The following ADAMTS12 variants were observed in gnomAD, a reference collection of about 807,000 sequenced individuals.
The protein encoded by ADAMTS12 is A disintegrin and metalloproteinase with thrombospondin motifs 12.
Under a neutral mutation model 167.8 loss-of-function variants are expected in ADAMTS12, and 118 were observed. The ratio of observed to expected loss-of-function variants is 0.70; its 90% CI spans 0.61 to 0.82. The LOEUF is 0.82. Among genes scored for constraint, ADAMTS12 ranks in the 40% least tolerant of loss-of-function variants. The pLI, the probability that ADAMTS12 is intolerant of heterozygous loss-of-function variation, is 0.00. For synonymous variants in ADAMTS12, 704 were observed against 716.9 expected (o/e 0.98, Z 0.29); for missense variants, 1,916 against 1,998.8 (o/e 0.96, Z 0.79).
chr5:33,609,713 G>C (rs554225963), intron 16 of ADAMTS12, among the ~76,000 whole-genome samples: 2 of 152,284 alleles, frequency 1.3e-5, no homozygotes, highest in African/African-American at 4.8e-5. Context: ...GCAAAGACTA[G>C]AACAGAGACT....
At chr5:33,642,387 C>T (rs6861589) in intron 10 of ADAMTS12, among the ~76,000 whole-genome samples, 86,011 of 152,046 alleles carry the variant, frequency 0.57, 24,996 homozygotes, top group East Asian at 0.67. Context: ...ACTGGCACAG[C>T]GAATAGCACT....
intron 6 of ADAMTS12, 122 bp from the exon 7 acceptor site, chr5:33,658,455 A>T: frequency 1.7e-6 from 2 of 1,188,340 alleles, no homozygotes; most frequent in Non-Finnish European, 2.3e-6. Context: ...GGCATTTTTT[A>T]AAAAGTCTAC....
intron 14 of ADAMTS12, among the ~76,000 whole-genome samples, chr5:33,618,943 T>C (rs557591822): frequency 1.3e-5 from 2 of 152,296 alleles, no homozygotes; most frequent in South Asian, 4.1e-4. Flanking sequence ...TCTTCCATAA[T>C]GTTGACACTC....
chr5:33,547,769 A>G (rs1745052997), intron 21 of ADAMTS12, among the ~76,000 whole-genome samples: 1 of 152,080 alleles, frequency 6.6e-6, no homozygotes, highest in Non-Finnish European at 1.5e-5. Context: ...TCATAACCAG[A>G]AAGATTTGAT....
At chr5:33,630,550 ACAT>A (rs1413886361) in intron 13 of ADAMTS12, among the ~76,000 whole-genome samples, 8 of 152,198 alleles carry the variant, frequency 5.3e-5, no homozygotes, top group African/African-American at 1.9e-4. Context: ...ATCGTAGTGC[ACAT>A]CAACTAATCA....
At chr5:33,842,436 A>C (rs1748779151) in intron 2 of ADAMTS12, among the ~76,000 whole-genome samples, 1 of 152,198 alleles carries the variant, frequency 6.6e-6, no homozygotes, top group South Asian at 2.1e-4. Context: ...GAAAATCCTC[A>C]AGGTTGCAGC....
chr5:33,819,468 T>G (rs1255308666), intron 2 of ADAMTS12, among the ~76,000 whole-genome samples: 1 of 152,212 alleles, frequency 6.6e-6, no homozygotes, highest in Non-Finnish European at 1.5e-5. Context: ...TTGATTACTG[T>G]AGCTTTGTAC....
chr5:33,672,666 C>T (rs1363979890), intron 5 of ADAMTS12, among the ~76,000 whole-genome samples: 1 of 152,108 alleles, frequency 6.6e-6, no homozygotes, highest in Non-Finnish European at 1.5e-5. Context: ...GTGTCTGTTT[C>T]GAAAAAGCGA....
intron 2 of ADAMTS12, among the ~76,000 whole-genome samples, chr5:33,805,480 A>G (rs1196498862): frequency 6.6e-6 from 1 of 152,176 alleles, no homozygotes; most frequent in Non-Finnish European, 1.5e-5. Flanking sequence ...TTACTCCTTA[A>G]TCAGATCCAC....
chr5:33,820,736 A>G (rs987643289), intron 2 of ADAMTS12, among the ~76,000 whole-genome samples: 12 of 152,236 alleles, frequency 7.9e-5, no homozygotes, highest in African/African-American at 2.2e-4. Context: ...ATGCCCATCA[A>G]TGATAGACTA....
chr5:33,649,730 A>T, intron 7 of ADAMTS12, 33 bp from the exon 8 acceptor site: 1 of 1,610,210 alleles, frequency 6.2e-7, no homozygotes, highest in East Asian at 2.2e-5. Context: ...AAGAAGAGCC[A>T]GCAGGCAGGC....
intron 10 of ADAMTS12, among the ~76,000 whole-genome samples, chr5:33,642,164 C>T (rs1740485516): frequency 6.6e-6 from 1 of 152,162 alleles, no homozygotes; most frequent in Non-Finnish European, 1.5e-5. Context: ...TGGAAGGAAA[C>T]TTTACGTTGC....
At chr5:33,624,163 C>G (rs55647002) in intron 14 of ADAMTS12, 68 bp downstream of exon 14, 2 of 1,597,064 alleles carry the variant, frequency 1.3e-6, no homozygotes, top group African/African-American at 2.7e-5. Flanking sequence ...AACTAGGAAC[C>G]AATCAACCAT....
rs575373245 is a variant in ADAMTS12 at position 33,650,024 on chromosome 5, C to G, written c.1191-327G>C. Among the ~76,000 whole-genome samples, 24 of 152,276 alleles carry G rather than the reference C, an allele frequency of 1.6e-4. 1 individual carries two copies. The South Asian group carries it at 5.0e-3, about 32-fold the overall frequency. ...GGAGTCAGGAAGGCAAATCCTGCCC[C>G]CAGCTATTTGCTTTCTCCTGCTGCA... On this transcript the variant is annotated intron_variant, in intron 7 of 23. Transcript: ENST00000504830.
chr5:33,634,931 A>C (rs1740119697), intron 12 of ADAMTS12, among the ~76,000 whole-genome samples: 1 of 152,096 alleles, frequency 6.6e-6, no homozygotes, highest in Non-Finnish European at 1.5e-5. Context: ...GTGCAATCAT[A>C]GGTCATTACA....
chr5:33,872,394 A>G (rs1050541858), intron 2 of ADAMTS12, among the ~76,000 whole-genome samples: 6 of 152,098 alleles, frequency 3.9e-5, no homozygotes, highest in African/African-American at 1.4e-4. Context: ...AAAAAATACA[A>G]AAATTAGCCG....
chr5:33,655,655 T>TTTAATTTAAA, intron 7 of ADAMTS12, among the ~76,000 whole-genome samples: 1 of 151,784 alleles, frequency 6.6e-6, no homozygotes, highest in African/African-American at 2.4e-5. Flanking sequence ...TTTAATTTAA[T>TTTAATTTAAA]TTTACTTTAA....
chr5:33,623,884 T>A lies in ADAMTS12; in HGVS notation c.2143+347A>T, dbSNP rs13359843. 8.4e-3 allele frequency among the ~76,000 whole-genome samples: 1,281 copies of A among 152,304 alleles called. 26 individuals carry two copies. Among genetic ancestry groups the A allele is most frequent in the African/African-American group, 0.03 (1,231 of 41,560 alleles). On this transcript the variant is annotated intron_variant, in intron 14 of 23. Transcript: ENST00000504830. Reference sequence around the variant, plus strand: ...TTCTCTCCCCTAGTTCTTGGTCTGTTCCAATGCCATTGGCTTTAATGCTGG... The same window carrying A: ...TTCTCTCCCCTAGTTCTTGGTCTGTACCAATGCCATTGGCTTTAATGCTGG...
Position 33,615,960 on chromosome 5 carries a change from G to A in ADAMTS12, c.2256C>T (p.Tyr752=), listed in dbSNP as rs1376370200. 1 of 1,614,072 alleles carries A rather than the reference G, an allele frequency of 6.2e-7. No homozygotes were observed. The highest frequency in any genetic ancestry group is 8.5e-7 in the Non-Finnish European group (1 of 1,179,998). Residue 752 remains tyrosine, a synonymous_variant, in exon 15 of 24, where the codon TAC becomes TAT. Transcript: ENST00000504830. ...ACTGGATAATAAACCCTCCATTCAGGTAATATTTTTCAGGATCTTCACTCC... is the reference window on the plus strand; with the variant it reads ...ACTGGATAATAAACCCTCCATTCAGATAATATTTTTCAGGATCTTCACTCC... ...AIRSEDPEKY[Y]LNGGFIIQWN...
Sources: allele counts gnomAD v4.1 joint callset (sites outside exome capture counted in the v4.1 genomes callset), GRCh38; gene constraint gnomAD v4.1.1; transcripts MANE v1.5; gene names NCBI Gene and HGNC (gene_info 2026-07-23, HGNC 2026-07-21).